Variants in KCNB2 observed in about 807,000 individuals in gnomAD.
KCNB2 encodes the protein potassium voltage-gated channel subfamily B member 2.
In KCNB2, 15 loss-of-function variants were observed where a neutral mutation model predicts 61.5. That is an observed-to-expected ratio of 0.24 (90% CI 0.16 to 0.38). KCNB2 has a LOEUF of 0.38. Ranked by LOEUF, KCNB2 falls within the 10% of genes least tolerant of loss-of-function variation. The probability of loss-of-function intolerance (pLI) is 1.00; values close to 1 mark genes in which losing one functional copy is unlikely to be tolerated. For synonymous variants in KCNB2, 457 were observed against 446.0 expected, an observed-to-expected ratio of 1.02 and a Z score of -0.31; for missense variants, 828 against 1,125.2, an observed-to-expected ratio of 0.74 and a Z score of 3.78.
At chr8:72,716,156 T>A (rs1217120926) in intron 2 of KCNB2, among the ~76,000 whole-genome samples, 2 of 152,112 alleles carry the variant, frequency 1.3e-5, no homozygotes, top group African/African-American at 2.4e-5. Context: ...GCTCTGAAAT[T>A]GAGGCAATAA....
intron 2 of KCNB2, among the ~76,000 whole-genome samples, chr8:72,911,357 A>G (rs1196923023): frequency 6.6e-6 from 1 of 152,256 alleles, no homozygotes; most frequent in Non-Finnish European, 1.5e-5. Flanking sequence ...CTTTGCCCTC[A>G]AATGAAACAA....
intron 2 of KCNB2, among the ~76,000 whole-genome samples, chr8:72,696,907 T>A (rs1041341868): frequency 6.6e-6 from 1 of 152,204 alleles, no homozygotes. Context: ...AATTAATTTG[T>A]TGTTTTTCAA....
At chr8:72,797,339 G>A (rs1809047982) in intron 2 of KCNB2, among the ~76,000 whole-genome samples, 1 of 152,136 alleles carries the variant, frequency 6.6e-6, no homozygotes, top group South Asian at 2.1e-4. Context: ...GAAACCAGAA[G>A]TTCCAACTTC....
At chr8:72,645,386 T>C (rs1277659474) in intron 2 of KCNB2, among the ~76,000 whole-genome samples, 1 of 152,210 alleles carries the variant, frequency 6.6e-6, no homozygotes, top group Non-Finnish European at 1.5e-5. Flanking sequence ...AGTTATGAGA[T>C]GGCAGTAGTG....
At chr8:72,725,563 A>ATATATGTATG (rs1807626054) in intron 2 of KCNB2, among the ~76,000 whole-genome samples, 3 of 90,688 alleles carry the variant, frequency 3.3e-5, no homozygotes, top group African/African-American at 1.5e-4. Flanking sequence ...ATATGTATAT[A>ATATATGTATG]TGTATATATA....
intron 1 of KCNB2, among the ~76,000 whole-genome samples, chr8:72,561,762 G>GTATATAT (rs1563523556): frequency 6.8e-5 from 1 of 14,766 alleles, no homozygotes; most frequent in Non-Finnish European, 1.3e-4. Context: ...TATATATATG[G>GTATATAT]ATATATATAT....
chr8:72,859,734 T>TTTTG (rs1810267236), intron 2 of KCNB2, among the ~76,000 whole-genome samples: 1 of 137,954 alleles, frequency 7.2e-6, no homozygotes, highest in Non-Finnish European at 1.6e-5. Context: ...TTTTTTTTTT[T>TTTTG]TTGAGATGGA....
intron 2 of KCNB2, among the ~76,000 whole-genome samples, chr8:72,684,659 G>A (rs1054239319): frequency 2.0e-5 from 3 of 152,092 alleles, no homozygotes; most frequent in African/African-American, 4.8e-5. Context: ...GTATATCCTG[G>A]TACCATGGGG....
At chr8:72,831,331 T>G (rs1809690766) in intron 2 of KCNB2, among the ~76,000 whole-genome samples, 1 of 152,252 alleles carries the variant, frequency 6.6e-6, no homozygotes, top group Admixed American at 6.5e-5. Flanking sequence ...AAGAGTTGTT[T>G]CTATTGAAAC....
chr8:72,544,124 T>C (rs1026146728), intron 1 of KCNB2, among the ~76,000 whole-genome samples: 3 of 152,174 alleles, frequency 2.0e-5, no homozygotes, highest in African/African-American at 4.8e-5. Flanking sequence ...AGTTCATTTT[T>C]AAAAGATGAG....
intron 1 of KCNB2, among the ~76,000 whole-genome samples, chr8:72,565,749 T>C (rs771963924): frequency 2.6e-5 from 4 of 152,100 alleles, no homozygotes; most frequent in Non-Finnish European, 4.4e-5. Context: ...AAATAATTGA[T>C]CCCAATAACT....
chr8:72,685,399 G>A lies in KCNB2; in HGVS notation c.579+117086G>A, dbSNP rs574906581. Among the ~76,000 whole-genome samples the A allele has an allele frequency of 1.5e-3, 232 of 152,124 alleles. 1 individual carries two copies. Among genetic ancestry groups the A allele is most frequent in the African/African-American group, 5.3e-3 (219 of 41,488 alleles). On this transcript the variant is annotated intron_variant, in intron 2 of 2. Coordinates refer to ENST00000523207, the MANE Select transcript of KCNB2 (RefSeq NM_004770.3). ...TTAACAAATATTATTAAGTTCGTGC[G>A]ATATGCCATGCCTTGTCCTAGAAGC...
intron 2 of KCNB2, among the ~76,000 whole-genome samples, chr8:72,859,706 CGTTTTTTTTT>C (rs1231130741): frequency 1.4e-5 from 1 of 73,442 alleles, no homozygotes; most frequent in Non-Finnish European, 2.4e-5. Flanking sequence ...TACTTCATTT[CGTTTTTTTTT>C]TTTTTTTTTT....
intron 2 of KCNB2, among the ~76,000 whole-genome samples, chr8:72,634,848 T>C (rs1180110699): frequency 6.6e-6 from 1 of 152,214 alleles, no homozygotes; most frequent in Non-Finnish European, 1.5e-5. Flanking sequence ...TGTGGTTTAA[T>C]GATTTGTGTT....
chr8:72,640,986 A>G (rs1806046758), intron 2 of KCNB2, among the ~76,000 whole-genome samples: 1 of 152,124 alleles, frequency 6.6e-6, no homozygotes, highest in Non-Finnish European at 1.5e-5. Flanking sequence ...GCACATCTTT[A>G]TAGGTATTGG....
At chr8:72,620,273 T>A (rs919966502) in intron 2 of KCNB2, among the ~76,000 whole-genome samples, 5 of 152,350 alleles carry the variant, frequency 3.3e-5, no homozygotes, top group Non-Finnish European at 7.3e-5. Context: ...TTAGATGTTC[T>A]GCCAGAGAGC....
At chr8:72,734,415 T>C (rs1255936024) in intron 2 of KCNB2, among the ~76,000 whole-genome samples, 1 of 152,226 alleles carries the variant, frequency 6.6e-6, no homozygotes, top group Non-Finnish European at 1.5e-5. Context: ...AGCATGTATA[T>C]GAAGTTACAA....
At chr8:72,806,058 C>T (rs1187280125) in intron 2 of KCNB2, among the ~76,000 whole-genome samples, 2 of 152,052 alleles carry the variant, frequency 1.3e-5, no homozygotes. Flanking sequence ...TTCATGCTCT[C>T]AATTCATTAA....
At chr8:72,763,854 GA>G (rs1356675276) in intron 2 of KCNB2, among the ~76,000 whole-genome samples, 9 of 152,210 alleles carry the variant, frequency 5.9e-5, no homozygotes, top group Non-Finnish European at 2.9e-5. Flanking sequence ...TTGGAAAACA[GA>G]AACAGAAGGT....
Sources: gnomAD v4.1 joint callset for allele counts (sites outside exome capture counted in the v4.1 genomes callset) on GRCh38, gnomAD v4.1.1 for gene constraint, MANE v1.5 for transcripts, NCBI Gene and HGNC (gene_info 2026-07-23, HGNC 2026-07-21) for gene names.